Variants in IL1RAPL1 observed in about 807,000 individuals in gnomAD.
The protein encoded by IL1RAPL1 is interleukin 1 receptor accessory protein like 1.
A neutral mutation model predicts 48.4 loss-of-function variants in IL1RAPL1; 3 were observed. The ratio of observed to expected loss-of-function variants is 0.06; its 90% confidence interval spans 0.03 to 0.16. The LOEUF (loss-of-function observed/expected upper bound fraction) is 0.16, where lower values mean the gene tolerates loss of function less well. Among genes scored for constraint, IL1RAPL1 ranks in the 10% least tolerant of loss-of-function variants. The pLI, the probability that IL1RAPL1 is intolerant of heterozygous loss-of-function variation, is 1.00. For synonymous variants in IL1RAPL1, 185 were observed against 187.7 expected (o/e 0.99, Z 0.12); for missense variants, 349 against 530.6 (o/e 0.66, Z 3.36).
intron 5 of IL1RAPL1, among the ~76,000 whole-genome samples, chrX:29,458,718 C>T (rs1934768580): frequency 2.6e-5 from 2 of 76,168 alleles, no homozygotes; most frequent in Admixed American, 1.3e-4. Flanking sequence ...GATCAGAGAA[C>T]GTTTTTGTTT....
intron 2 of IL1RAPL1, among the ~76,000 whole-genome samples, chrX:28,823,749 GCT>G (rs1936962220): frequency 9.0e-6 from 1 of 111,343 alleles, no homozygotes; most frequent in African/African-American, 3.3e-5. Flanking sequence ...CTCACTCCAA[GCT>G]CTGTTTCTGT....
At chrX:29,460,512 A>G (rs184548720) in intron 5 of IL1RAPL1, among the ~76,000 whole-genome samples, 17 of 112,183 alleles carry the variant, frequency 1.5e-4, no homozygotes, top group African/African-American at 5.2e-4. Flanking sequence ...CTTGTAAGCA[A>G]CTACCCATAC....
intron 2 of IL1RAPL1, among the ~76,000 whole-genome samples, chrX:28,905,911 G>A (rs1002865660): frequency 1.8e-5 from 2 of 111,645 alleles, no homozygotes; most frequent in East Asian, 2.8e-4. Flanking sequence ...ACTGAAAGAA[G>A]GCAAGTATAT....
At chrX:28,848,295 C>T (rs1447747240) in intron 2 of IL1RAPL1, among the ~76,000 whole-genome samples, 1 of 110,928 alleles carries the variant, frequency 9.0e-6, no homozygotes, top group Non-Finnish European at 1.9e-5. Flanking sequence ...CAAACCTGCA[C>T]GTTCTGCACA....
intron 6 of IL1RAPL1, among the ~76,000 whole-genome samples, chrX:29,907,521 T>C (rs1032048414): frequency 8.9e-6 from 1 of 111,794 alleles, no homozygotes; most frequent in Non-Finnish European, 1.9e-5. Flanking sequence ...TTTTAGAAAA[T>C]AATGCAATTC....
intron 5 of IL1RAPL1, among the ~76,000 whole-genome samples, chrX:29,406,038 T>C (rs1017057440): frequency 8.9e-6 from 1 of 112,033 alleles, no homozygotes; most frequent in African/African-American, 3.2e-5. Flanking sequence ...TCCAGTGTAC[T>C]GATGAGACCA....
chrX:29,032,526 C>T (rs73210004), intron 2 of IL1RAPL1, among the ~76,000 whole-genome samples: 4,558 of 111,734 alleles, frequency 0.041, 96 homozygotes, highest in Middle Eastern at 0.069. Context: ...GCATGCTGAA[C>T]CATTGCTCTC....
intron 6 of IL1RAPL1, among the ~76,000 whole-genome samples, chrX:29,809,096 T>C (rs1394007284): frequency 5.2e-5 from 5 of 96,817 alleles, no homozygotes; most frequent in African/African-American, 1.9e-4. Context: ...TTTTTTTTTC[T>C]TTTTTTTTGG....
rs542739050 is a variant in IL1RAPL1, at chrX:28,803,223, G to T, written c.82+13798G>T. Among the ~76,000 whole-genome samples the T allele has an allele frequency of 1.2e-3, 137 of 111,473 alleles. 1 individual carries two copies. The highest frequency in any genetic ancestry group is 4.8e-3 in the Middle Eastern group (1 of 210). On this transcript the variant is annotated intron_variant, in intron 2 of 10. Transcript: ENST00000378993. ...AGGTCTTGTCATTTTAATAATTCAG[G>T]TGTCGAAAGGAGAAAAAGTCATTAA...
intron 1 of IL1RAPL1, among the ~76,000 whole-genome samples, chrX:28,611,611 C>A (rs1172069872): frequency 3.5e-5 from 4 of 113,009 alleles, no homozygotes; most frequent in Non-Finnish European, 7.5e-5. Context: ...AATTGCATGC[C>A]ATTTCCATTC....
At chrX:29,589,439 G>A (rs1923296810) in intron 5 of IL1RAPL1, among the ~76,000 whole-genome samples, 1 of 109,254 alleles carries the variant, frequency 9.2e-6, no homozygotes, top group Non-Finnish European at 1.9e-5. Flanking sequence ...ATTTTCCATG[G>A]CACTCCTATT....
intron 6 of IL1RAPL1, among the ~76,000 whole-genome samples, chrX:29,890,403 C>T (rs1030765651): frequency 7.2e-5 from 8 of 111,867 alleles, no homozygotes; most frequent in Non-Finnish European, 1.5e-4. Flanking sequence ...TAACCATGTG[C>T]CGCCAGGCTG....
At chrX:29,190,348 T>A (rs1265680397) in intron 2 of IL1RAPL1, among the ~76,000 whole-genome samples, 1 of 111,790 alleles carries the variant, frequency 8.9e-6, no homozygotes, top group Non-Finnish European at 1.9e-5. Context: ...TAAGAAAGAT[T>A]AAGTTTCATT....
At chrX:29,532,870 C>T (rs994463197) in intron 5 of IL1RAPL1, among the ~76,000 whole-genome samples, 2 of 111,500 alleles carry the variant, frequency 1.8e-5, no homozygotes, top group Non-Finnish European at 3.8e-5. Context: ...CCATTGACTC[C>T]CAAGAAGCGA....
chrX:29,758,310 C>T, intron 6 of IL1RAPL1, among the ~76,000 whole-genome samples: 1 of 110,224 alleles, frequency 9.1e-6, no homozygotes, highest in Non-Finnish European at 1.9e-5. Flanking sequence ...AATTACATTA[C>T]AAAATATGGC....
chrX:29,572,761 A>G (rs1922635338), intron 5 of IL1RAPL1, among the ~76,000 whole-genome samples: 1 of 112,438 alleles, frequency 8.9e-6, no homozygotes, highest in South Asian at 3.7e-4. Context: ...TTCCCTTTAG[A>G]AAATGAAAAC....
At chrX:28,730,775 G>A in intron 1 of IL1RAPL1, among the ~76,000 whole-genome samples, 1 of 111,669 alleles carries the variant, frequency 9.0e-6, no homozygotes, top group Non-Finnish European at 1.9e-5. Flanking sequence ...ACATATATAT[G>A]GACTTTGAAA....
chrX:28,666,174 T>C (rs1193077664), intron 1 of IL1RAPL1, among the ~76,000 whole-genome samples: 1 of 112,036 alleles, frequency 8.9e-6, no homozygotes, highest in Admixed American at 9.5e-5. Flanking sequence ...TGTTACATAC[T>C]AAGGATTGCT....
chrX:29,511,897 T>C (rs1380589264), intron 5 of IL1RAPL1, among the ~76,000 whole-genome samples: 1 of 111,114 alleles, frequency 9.0e-6, no homozygotes, highest in East Asian at 2.8e-4. Flanking sequence ...ATTAACATAT[T>C]TTAGAGTCCC....
Sources: allele counts gnomAD v4.1 joint callset (sites outside exome capture counted in the v4.1 genomes callset), GRCh38; gene constraint gnomAD v4.1.1; transcripts MANE v1.5; gene names NCBI Gene and HGNC (gene_info 2026-07-23, HGNC 2026-07-21).